COPG2: variants seen among roughly 807,000 people sequenced by gnomAD.
COPG2 encodes the protein coat protein complex I subunit gamma 2.
COPG2 carries 37 observed loss-of-function variants against 46.3 expected under a neutral mutation model. The observed-to-expected ratio is 0.80, with a 90% CI of 0.61 to 1.05. The LOEUF is 1.05. Among genes scored for constraint, COPG2 ranks in the 50% least tolerant of loss-of-function variants. The pLI, the probability that COPG2 is intolerant of heterozygous loss-of-function variation, is 0.00. For synonymous variants in COPG2, 159 were observed against 129.7 expected, an observed-to-expected ratio of 1.23 and a Z score of -1.53; for missense variants, 427 against 387.8, an observed-to-expected ratio of 1.10 and a Z score of -0.85.
At chr7:130,531,724 A>G (rs1799827320) in intron 20 of COPG2, among the ~76,000 whole-genome samples, 1 of 152,064 alleles carries the variant, frequency 6.6e-6, no homozygotes, top group South Asian at 2.1e-4. Context: ...TTAAGAAGTT[A>G]AAGGAAAGCA....
chr7:130,622,223 G>A (rs1367888523), intron 5 of COPG2, among the ~76,000 whole-genome samples: 2 of 152,110 alleles, frequency 1.3e-5, no homozygotes, highest in African/African-American at 2.4e-5. Flanking sequence ...ATCTTCCGAG[G>A]AGCCTTATGA....
At chr7:130,645,401 C>T (rs1795576285) in intron 5 of COPG2, 3 of 516,782 alleles carry the variant, frequency 5.8e-6, no homozygotes, top group Non-Finnish European at 1.2e-5. Context: ...TCCATGGGCT[C>T]CACCCGTCGG....
chr7:130,603,607 G>C (rs1554450690), intron 9 of COPG2, among the ~76,000 whole-genome samples: 5 of 151,514 alleles, frequency 3.3e-5, no homozygotes. Context: ...TGCAATCTCA[G>C]CTACTGGGGA....
intron 11 of COPG2, among the ~76,000 whole-genome samples, chr7:130,561,770 A>G (rs981508166): frequency 6.6e-6 from 1 of 152,210 alleles, no homozygotes; most frequent in Non-Finnish European, 1.5e-5. Flanking sequence ...GGAAAATCTG[A>G]AAACACTCTG....
intron 20 of COPG2, chr7:130,509,881 T>C (rs782072558): frequency 6.2e-6 from 3 of 487,610 alleles, no homozygotes; most frequent in African/African-American, 2.0e-5. Context: ...TGAAACGATA[T>C]AATAGTTTAA....
At position 130,516,414 on chromosome 7, in the gene COPG2, A is replaced by G. The variant is rs904086748; in HGVS notation, c.2150-7755T>C. 2.6e-4 allele frequency among the ~76,000 whole-genome samples: 39 copies of G among 152,360 alleles called. 1 individual carries two copies. The highest frequency in any genetic ancestry group is 1.5e-3 in the South Asian group (7 of 4,824). On this transcript the variant is annotated intron_variant, in intron 20 of 23. Transcript: ENST00000425248. ...ATGAAAGGTTAGGCTATACAGGGGA[A>G]GCCTCCAAAGGGAAATCTGGAAAAA... is the stretch of plus-strand genomic sequence containing the variant.
At chr7:130,537,322 G>A (rs1301948055) in intron 20 of COPG2, among the ~76,000 whole-genome samples, 1 of 150,188 alleles carries the variant, frequency 6.7e-6, no homozygotes, top group Non-Finnish European at 1.5e-5. Context: ...TTGGACAGCA[G>A]AGCGTGTGGA....
chr7:130,525,788 C>T (rs1287011705), intron 20 of COPG2, among the ~76,000 whole-genome samples: 3 of 152,048 alleles, frequency 2.0e-5, no homozygotes, highest in African/African-American at 7.3e-5. Context: ...CTGGAGAGAG[C>T]TGGGGTGTTT....
intron 3 of COPG2, among the ~76,000 whole-genome samples, chr7:130,664,927 T>C (rs1361177421): frequency 6.6e-6 from 1 of 152,204 alleles, no homozygotes; most frequent in Non-Finnish European, 1.5e-5. Context: ...ACACCTGTAA[T>C]CCCAGGACTT....
At chr7:130,528,532 G>C (rs936616120) in intron 20 of COPG2, among the ~76,000 whole-genome samples, 6 of 152,126 alleles carry the variant, frequency 3.9e-5, no homozygotes, top group Admixed American at 3.3e-4. Flanking sequence ...CTGAGATCAC[G>C]AATTAGGCCA....
intron 9 of COPG2, among the ~76,000 whole-genome samples, chr7:130,591,274 G>A (rs1554448848): frequency 5.8e-5 from 7 of 119,918 alleles, no homozygotes; most frequent in South Asian, 6.5e-4. Flanking sequence ...AGGTGGGGGC[G>A]TCAGCCCCCC....
intron 20 of COPG2, among the ~76,000 whole-genome samples, chr7:130,526,639 A>G (rs2116353023): frequency 6.6e-6 from 1 of 151,964 alleles, no homozygotes; most frequent in Non-Finnish European, 1.5e-5. Flanking sequence ...GGCAGGTCCC[A>G]GAGTAGGAAC....
chr7:130,610,744 TATTAATA>T (rs1794831660), intron 9 of COPG2: 3 of 656,834 alleles, frequency 4.6e-6, no homozygotes, highest in South Asian at 3.4e-5. Flanking sequence ...GTTAATGTGC[TATTAATA>T]ATTAAGTACA....
chr7:130,573,784 T>C (rs1793953776), intron 9 of COPG2, among the ~76,000 whole-genome samples: 1 of 152,140 alleles, frequency 6.6e-6, no homozygotes, highest in South Asian at 2.1e-4. Flanking sequence ...TCATAGCTAA[T>C]GGTACATGTT....
rs1486805581 is a variant in COPG2 at position 130,506,254 on chromosome 7, G to A, written c.*422C>T. The A allele has an allele frequency of 6.6e-6, 1 of 152,116 alleles. No homozygotes were observed. The highest frequency in any genetic ancestry group is 1.9e-4 in the East Asian group (1 of 5,186). 9.4% of individuals were successfully genotyped at this position (152,116 alleles called of 1,614,324 possible). A position where few individuals can be genotyped will look rare whatever the true frequency, so the allele number is the denominator to read the frequency against. On this transcript the variant is annotated 3_prime_UTR_variant, in exon 24 of 24. Coordinates refer to ENST00000425248, the MANE Select transcript of COPG2 (RefSeq NM_012133.6). ...TATAACAACTTTGAAACTGGAATAA[G>A]TGTTTATTTTCTATTAATAAAAATG...
intron 9 of COPG2, among the ~76,000 whole-genome samples, chr7:130,591,291 C>A (rs1554448860): frequency 1.8e-4 from 20 of 112,554 alleles, no homozygotes; most frequent in African/African-American, 6.9e-4. Flanking sequence ...CCCCGCCCGG[C>A]CAGCCGCCCC....
chr7:130,668,494 G>C (rs1478498084), intron 1 of COPG2, 138 bp downstream of exon 1: 2 of 622,694 alleles, frequency 3.2e-6, no homozygotes, highest in Admixed American at 4.6e-5. Flanking sequence ...GAGGGGAGGG[G>C]AGGGGCCGGC....
intron 20 of COPG2, among the ~76,000 whole-genome samples, chr7:130,532,200 A>G (rs1424189210): frequency 6.6e-6 from 1 of 152,216 alleles, no homozygotes; most frequent in Non-Finnish European, 1.5e-5. Flanking sequence ...GGATGACAGC[A>G]AACAAATGGA....
intron 5 of COPG2, among the ~76,000 whole-genome samples, chr7:130,652,132 T>C (rs1242164497): frequency 4.6e-5 from 7 of 152,238 alleles, no homozygotes; most frequent in African/African-American, 1.4e-4. Flanking sequence ...ACGTAAGTTG[T>C]TTGTCCTTTT....
Sources: allele counts gnomAD v4.1 joint callset (sites outside exome capture counted in the v4.1 genomes callset), GRCh38; gene constraint gnomAD v4.1.1; transcripts MANE v1.5; gene names NCBI Gene and HGNC (gene_info 2026-07-23, HGNC 2026-07-21).